Variants in ZDHHC3 observed in about 807,000 individuals in gnomAD.
ZDHHC3 encodes zDHHC palmitoyltransferase 3.
Under a neutral mutation model 30.6 loss-of-function variants are expected in ZDHHC3, and 9 were observed. The ratio of observed to expected loss-of-function variants is 0.29; its 90% CI spans 0.18 to 0.51. The LOEUF is 0.51. Ranked by LOEUF, ZDHHC3 falls within the 20% of genes least tolerant of loss-of-function variation. The pLI is 0.97. For missense variants in ZDHHC3, 246 were observed against 384.2 expected (o/e 0.64, Z 3.01); for synonymous variants, 136 against 140.2 (o/e 0.97, Z 0.21).
chr3:44,944,325 T>C (rs1432814533), intron 3 of ZDHHC3, among the ~76,000 whole-genome samples: 1 of 152,166 alleles, frequency 6.6e-6, no homozygotes, highest in Non-Finnish European at 1.5e-5. Context: ...TTTGTATCTT[T>C]AGTAAAGACA....
chr3:44,946,093 C>T (rs1049370087), intron 2 of ZDHHC3, among the ~76,000 whole-genome samples: 3 of 152,208 alleles, frequency 2.0e-5, no homozygotes, highest in Non-Finnish European at 4.4e-5. Context: ...TGCAGCTCCA[C>T]ATTTTAATGG....
chr3:44,931,716 G>A (rs932428099), intron 5 of ZDHHC3, among the ~76,000 whole-genome samples: 11 of 152,192 alleles, frequency 7.2e-5, no homozygotes, highest in African/African-American at 2.7e-4. Context: ...ATGGCTGGGA[G>A]GACCCTGACC....
intron 2 of ZDHHC3, among the ~76,000 whole-genome samples, chr3:44,951,345 T>C (rs1395131853): frequency 6.6e-6 from 1 of 152,204 alleles, no homozygotes; most frequent in Non-Finnish European, 1.5e-5. Flanking sequence ...AGAAGGAACA[T>C]AATGGTACTT....
intron 2 of ZDHHC3, among the ~76,000 whole-genome samples, chr3:44,950,032 A>C (rs921723874): frequency 1.3e-5 from 2 of 152,184 alleles, no homozygotes; most frequent in East Asian, 3.9e-4. Flanking sequence ...ACAGGGTCTC[A>C]CTATGTTGCC....
chr3:44,939,020 C>T (rs962541888), intron 3 of ZDHHC3, among the ~76,000 whole-genome samples: 2 of 152,212 alleles, frequency 1.3e-5, no homozygotes, highest in African/African-American at 4.8e-5. Context: ...AGATATTGTG[C>T]CTGGCTCAGA....
At position 44,959,029 on chromosome 3, in the gene ZDHHC3, C is replaced by T; in HGVS notation, c.306+102G>A. ...CCTCACCCTCCCCTGGCCCTCCTATCCTCCAAGTTCCCAAGGTCCAGGGGG... is the reference window on the plus strand; with the variant it reads ...CCTCACCCTCCCCTGGCCCTCCTATTCTCCAAGTTCCCAAGGTCCAGGGGG... On this transcript the variant is annotated intron_variant, in intron 2 of 6. Transcript: ENST00000424952. This position sits in a 1 kb window ranked among gnomAD's most constrained non-coding sequence, Gnocchi z 4.3. 7.0e-7 allele frequency: 1 copy of T among 1,419,868 alleles called. No homozygotes were observed. The highest frequency in any genetic ancestry group is 9.7e-7 in the Non-Finnish European group (1 of 1,033,886). The allele number at this position is 1,419,868 out of a possible 1,614,324, so 88.0% of individuals were successfully genotyped here. A position where few individuals can be genotyped will look rare whatever the true frequency, so the allele number is the denominator to read the frequency against.
At position 44,924,741 on chromosome 3, in the gene ZDHHC3, T is replaced by G; in HGVS notation, c.*1948A>C. On this transcript the variant is annotated 3_prime_UTR_variant, in exon 7 of 7. Transcript: ENST00000424952. ...CTCTAGTTATTTAATACAATAACAC[T>G]TCTTTCATACACCTAACTGAGCTGT... 1 of 985,482 alleles carries G rather than the reference T, an allele frequency of 1.0e-6. No homozygotes were observed. 61.0% of individuals were successfully genotyped at this position (985,482 alleles called of 1,614,324 possible).
At chr3:44,936,897 A>C (rs1233316687) in intron 3 of ZDHHC3, among the ~76,000 whole-genome samples, 3 of 147,538 alleles carry the variant, frequency 2.0e-5, no homozygotes, top group African/African-American at 4.9e-5. Context: ...AACCTGCTTG[A>C]ACGAAGGCAA....
At chr3:44,972,826 T>C (rs1705513532) in intron 1 of ZDHHC3, among the ~76,000 whole-genome samples, 1 of 152,176 alleles carries the variant, frequency 6.6e-6, no homozygotes, top group East Asian at 1.9e-4. Flanking sequence ...TTTATGCCCA[T>C]AAGAACACCA....
At chr3:44,942,376 C>A (rs566869671) in intron 3 of ZDHHC3, among the ~76,000 whole-genome samples, 42 of 152,362 alleles carry the variant, frequency 2.8e-4, no homozygotes, top group African/African-American at 4.8e-4. Context: ...GAGGCAGGAA[C>A]AGGCAACTCT....
In ZDHHC3 at chr3:44,921,281, C is replaced by CA. The variant is rs1362960822; in HGVS notation, c.*5407dup. ...TCAGCTGAGCCCCACAGAACGAGAA[C>CA]AGGCTGTTCCCTGCTCCCTGTATCA... On this transcript the variant is annotated 3_prime_UTR_variant, in exon 7 of 7. Transcript: ENST00000424952. The CA allele has an allele frequency of 5.1e-6, 5 of 985,284 alleles. No homozygotes were observed. In the African/African-American group the frequency reaches 8.7e-5, roughly 17 times the overall value. 61.0% of individuals were successfully genotyped at this position (985,284 alleles called of 1,614,324 possible). A position where few individuals can be genotyped will look rare whatever the true frequency, so the allele number is the denominator to read the frequency against.
Position 44,924,043 on chromosome 3 carries a change from G to A in ZDHHC3, c.*2646C>T. ...CAAGCTGGGGATCACAATCCAACAAGCCACATCTTTATTTTTCACTTCCAC... is the reference window on the plus strand; with the variant it reads ...CAAGCTGGGGATCACAATCCAACAAACCACATCTTTATTTTTCACTTCCAC... On this transcript the variant is annotated 3_prime_UTR_variant, in exon 7 of 7. Transcript: ENST00000424952. 3.0e-6 allele frequency: 3 copies of A among 985,376 alleles called. No homozygotes were observed. Among genetic ancestry groups the A allele is most frequent in the South Asian group, 4.7e-5 (1 of 21,292 alleles). 61.0% of individuals were successfully genotyped at this position (985,376 alleles called of 1,614,324 possible).
Position 44,916,496 on chromosome 3 carries a change from C to A in ZDHHC3, c.*10193G>T, listed in dbSNP as rs1700176036. The A allele has an allele frequency of 6.6e-6, 1 of 152,426 alleles. No individual in the cohort carries two copies. Among genetic ancestry groups the A allele is most frequent in the African/African-American group, 2.4e-5 (1 of 41,456 alleles). 9.4% of individuals were successfully genotyped at this position (152,426 alleles called of 1,614,324 possible). ...TGGGGCCAGGACTCATGCCCTTTTG[C>A]CTGGAGCTGGAAGGGGGGCCCTAAC... is the stretch of plus-strand genomic sequence containing the variant. On this transcript the variant is annotated 3_prime_UTR_variant, in exon 7 of 7. Coordinates refer to ENST00000424952, the MANE Select transcript of ZDHHC3 (RefSeq NM_001135179.2).
At position 44,932,844 on chromosome 3, in the gene ZDHHC3, G is replaced by C; in HGVS notation, c.610+274C>G. 3.3e-6 allele frequency: 5 copies of C among 1,529,828 alleles called. No homozygotes were observed. The South Asian group carries it at 5.6e-5, about 17-fold the overall frequency. The allele number at this position is 1,529,828 out of a possible 1,614,324, so 94.8% of individuals were successfully genotyped here. On this transcript the variant is annotated intron_variant, in intron 5 of 6. Coordinates refer to ENST00000424952, the MANE Select transcript of ZDHHC3 (RefSeq NM_001135179.2). ...GGAACCGGCCTCTGTGCTTGCTTGG[G>C]GCCTGCATTCTCCCTGGGCACGCTC...
Position 44,917,970 on chromosome 3 carries a change from C to T in ZDHHC3, c.*8719G>A, listed in dbSNP as rs868746528. 9.2e-6 allele frequency: 12 copies of T among 1,305,428 alleles called. No homozygotes were observed. In the Middle Eastern group the frequency reaches 2.6e-3, roughly 278 times the overall value. 80.9% of individuals were successfully genotyped at this position (1,305,428 alleles called of 1,614,324 possible). ...GATCCTCCATTGTTTCGGTGTCTGA[C>T]AGCGATGTCACCTGCCGCACCATGT... On this transcript the variant is annotated 3_prime_UTR_variant, in exon 7 of 7. Transcript: ENST00000424952.
intron 2 of ZDHHC3, chr3:44,958,649 C>T (rs564612299): frequency 7.2e-6 from 11 of 1,536,108 alleles, no homozygotes; most frequent in African/African-American, 4.1e-5. Flanking sequence ...AGATGCACCT[C>T]GCCCAAGCAA....
chr3:44,920,481 T>G lies in ZDHHC3; in HGVS notation c.*6208A>C. 8.3e-7 allele frequency: 1 copy of G among 1,204,726 alleles called. No individual in the cohort carries two copies. Among genetic ancestry groups the G allele is most frequent in the Non-Finnish European group, 1.1e-6 (1 of 944,740 alleles). The allele number at this position is 1,204,726 out of a possible 1,614,324, so 74.6% of individuals were successfully genotyped here. ...ACTCAAAGCCATGACCATAGGTTTTTATGGCCTCCTTGTGAGGAGGTGGGT... is the reference window on the plus strand; with the variant it reads ...ACTCAAAGCCATGACCATAGGTTTTGATGGCCTCCTTGTGAGGAGGTGGGT... On this transcript the variant is annotated 3_prime_UTR_variant, in exon 7 of 7. Transcript: ENST00000424952.
intron 3 of ZDHHC3, among the ~76,000 whole-genome samples, chr3:44,934,620 AG>A (rs1354994994): frequency 1.3e-5 from 2 of 150,538 alleles, no homozygotes; most frequent in African/African-American, 4.9e-5. Flanking sequence ...ATTTGAGTCC[AG>A]GCGCAGTGGC....
chr3:44,961,889 TACA>T (rs1704510740), intron 1 of ZDHHC3, among the ~76,000 whole-genome samples: 6 of 152,246 alleles, frequency 3.9e-5, no homozygotes, highest in Admixed American at 3.3e-4. Flanking sequence ...GCTTTTGTAT[TACA>T]ATGGCAAGAG....
Sources: gnomAD v4.1 joint callset for allele counts (sites outside exome capture counted in the v4.1 genomes callset) on GRCh38, gnomAD v4.1.1 for gene constraint, Gnocchi (gnomAD v3.1) non-coding constraint, MANE v1.5 for transcripts, NCBI Gene and HGNC (gene_info 2026-07-23, HGNC 2026-07-21) for gene names.